The following STARD3NL variants were observed in gnomAD, a reference collection of about 807,000 sequenced individuals.
STARD3NL encodes STARD3 N-terminal like.
A neutral mutation model predicts 30.9 loss-of-function variants in STARD3NL; 17 were observed. The ratio of observed to expected loss-of-function variants is 0.55; its 90% CI spans 0.38 to 0.82. STARD3NL has a LOEUF of 0.82. Ranked by LOEUF, STARD3NL falls within the 40% of genes least tolerant of loss-of-function variation. The pLI is 0.00. For synonymous variants in STARD3NL, 112 were observed against 100.5 expected (o/e 1.11, Z -0.69); for missense variants, 234 against 277.6 (o/e 0.84, Z 1.12).
At chr7:38,202,935 G>C (rs1785260638) in intron 1 of STARD3NL, among the ~76,000 whole-genome samples, 1 of 151,810 alleles carries the variant, frequency 6.6e-6, no homozygotes, top group Non-Finnish European at 1.5e-5. Flanking sequence ...AGTATTCCAT[G>C]GTGTATATGT....
intron 1 of STARD3NL, among the ~76,000 whole-genome samples, chr7:38,200,088 A>C (rs1044975111): frequency 6.6e-6 from 1 of 152,178 alleles, no homozygotes; most frequent in Non-Finnish European, 1.5e-5. Flanking sequence ...AGAAATGTGT[A>C]ATCTGGCTTT....
At chr7:38,191,452 A>G (rs995002679) in intron 1 of STARD3NL, among the ~76,000 whole-genome samples, 4 of 151,942 alleles carry the variant, frequency 2.6e-5, no homozygotes, top group Non-Finnish European at 5.9e-5. Flanking sequence ...GTCTTCTTTA[A>G]GAAATCTTTG....
At chr7:38,217,503 C>G (rs896927546) in intron 6 of STARD3NL, among the ~76,000 whole-genome samples, 198 bp downstream of exon 6, 18 of 152,150 alleles carry the variant, frequency 1.2e-4, no homozygotes, top group African/African-American at 1.7e-4. Context: ...AGCAGCTCCT[C>G]TCTCCAGCTA....
chr7:38,228,946 A>C, intron 8 of STARD3NL, 75 bp downstream of exon 8: 1 of 1,066,812 alleles, frequency 9.4e-7, no homozygotes, highest in Non-Finnish European at 1.4e-6. Context: ...GTCAAAGTAG[A>C]ATTCAAAGAA....
chr7:38,207,341 G>C, intron 1 of STARD3NL, 106 bp from the exon 2 acceptor site: 1 of 607,716 alleles, frequency 1.6e-6, no homozygotes, highest in Admixed American at 3.0e-5. Flanking sequence ...ATCAGTCAAG[G>C]TACTCTGTTG....
chr7:38,218,033 A>G (rs563900903), intron 6 of STARD3NL, among the ~76,000 whole-genome samples: 1 of 152,314 alleles, frequency 6.6e-6, no homozygotes, highest in Non-Finnish European at 1.5e-5. Context: ...CAAATGATTG[A>G]TTAAGCTTTA....
At chr7:38,203,876 CAAAG>C (rs1554296436) in intron 1 of STARD3NL, among the ~76,000 whole-genome samples, 22 of 152,082 alleles carry the variant, frequency 1.4e-4, no homozygotes, top group Admixed American at 1.2e-3. Flanking sequence ...TCAAAAGAGA[CAAAG>C]AAGGCCATTA....
chr7:38,188,931 A>T (rs2115980969), intron 1 of STARD3NL, among the ~76,000 whole-genome samples: 1 of 152,328 alleles, frequency 6.6e-6, no homozygotes, highest in Middle Eastern at 3.4e-3. Context: ...CATGACATGT[A>T]TTTTTCCCCT....
intron 1 of STARD3NL, chr7:38,198,267 CT>C (rs1785016304): frequency 6.6e-6 from 1 of 152,276 alleles, no homozygotes; most frequent in South Asian, 2.1e-4. Flanking sequence ...AAAGATCAGG[CT>C]GGCAAAGTCA....
At chr7:38,179,461 T>C (rs1784158744) in intron 1 of STARD3NL, among the ~76,000 whole-genome samples, 1 of 152,222 alleles carries the variant, frequency 6.6e-6, no homozygotes, top group Non-Finnish European at 1.5e-5. Context: ...TGCCTAAAAC[T>C]GCATGAAAGA....
rs1188895987 is a variant in STARD3NL, at chr7:38,217,068, T to C, written c.425T>C (p.Ile142Thr). ...VTSAFLLAKVILSKLFSQGAF... is the reference protein window; with the variant it reads ...VTSAFLLAKVTLSKLFSQGAF... ...AGTGCCTTTTTACTAGCAAAAGTGA[T>C]CCTTTCGAAGGTATGGCCTACCACT... The change falls in exon 5 of 9, where the codon ATC (isoleucine) becomes ACC (threonine). Residue 142 changes from isoleucine to threonine, a missense_variant. By Grantham distance (89) the Ile-to-Thr change is moderately conservative. Coordinates refer to ENST00000009041, the MANE Select transcript of STARD3NL (RefSeq NM_032016.4). The C allele has an allele frequency of 6.2e-7, 1 of 1,614,128 alleles. No individual in the cohort carries two copies. The highest frequency in any genetic ancestry group is 2.2e-5 in the East Asian group (1 of 44,886).
chr7:38,178,463 C>T (rs907638789), intron 1 of STARD3NL, 43 bp downstream of exon 1: 1 of 152,360 alleles, frequency 6.6e-6, no homozygotes, highest in African/African-American at 2.4e-5. Context: ...GGTTGGAAAA[C>T]TGAGTCTCCT....
At chr7:38,225,260 G>A (rs191103747) in intron 7 of STARD3NL, among the ~76,000 whole-genome samples, 8 of 152,168 alleles carry the variant, frequency 5.3e-5, no homozygotes, top group East Asian at 1.9e-4. Flanking sequence ...TTTCATATAT[G>A]ATTTACAAAT....
At chr7:38,221,121 G>A (rs1786437372) in intron 7 of STARD3NL, among the ~76,000 whole-genome samples, 1 of 152,150 alleles carries the variant, frequency 6.6e-6, no homozygotes, top group Non-Finnish European at 1.5e-5. Flanking sequence ...GATGATGGCT[G>A]CACAACAGCA....
chr7:38,187,167 C>T (rs1300069386), intron 1 of STARD3NL, among the ~76,000 whole-genome samples: 1 of 152,204 alleles, frequency 6.6e-6, no homozygotes, highest in East Asian at 1.9e-4. Flanking sequence ...AAATAACTGA[C>T]TACCAAGTTG....
At chr7:38,221,457 T>C (rs1786458056) in intron 7 of STARD3NL, among the ~76,000 whole-genome samples, 1 of 152,152 alleles carries the variant, frequency 6.6e-6, no homozygotes, top group African/African-American at 2.4e-5. Flanking sequence ...GCATATTAGA[T>C]GTTTGCTAAG....
At chr7:38,208,328 TC>T (rs1427120433) in intron 2 of STARD3NL, among the ~76,000 whole-genome samples, 1 of 152,212 alleles carries the variant, frequency 6.6e-6, no homozygotes, top group Non-Finnish European at 1.5e-5. Context: ...TTATATTTCA[TC>T]GGAAAAGTTG....
intron 1 of STARD3NL, among the ~76,000 whole-genome samples, chr7:38,202,482 C>G (rs1250547712): frequency 6.6e-6 from 1 of 151,922 alleles, no homozygotes; most frequent in East Asian, 1.9e-4. Context: ...GTGAAAAAGG[C>G]CAAAGGAGGG....
intron 7 of STARD3NL, among the ~76,000 whole-genome samples, chr7:38,228,598 T>C (rs1410666453): frequency 6.6e-6 from 1 of 152,244 alleles, no homozygotes; most frequent in Non-Finnish European, 1.5e-5. Context: ...GTGTAAGTGA[T>C]AGATTATTGT....
Sources: gnomAD v4.1 joint callset for allele counts (sites outside exome capture counted in the v4.1 genomes callset) on GRCh38, gnomAD v4.1.1 for gene constraint, MANE v1.5 for transcripts, NCBI Gene and HGNC (gene_info 2026-07-23, HGNC 2026-07-21) for gene names.